Variants in WDHD1 observed in about 807,000 individuals in gnomAD.
WDHD1 encodes the protein WD repeat and HMG-box DNA binding protein 1, also known as WD repeat and HMG-box DNA-binding protein 1.
A neutral mutation model predicts 135.4 loss-of-function variants in WDHD1; 111 were observed. The ratio of observed to expected loss-of-function variants is 0.82; its 90% CI spans 0.70 to 0.96. The LOEUF (loss-of-function observed/expected upper bound fraction) is 0.96. Among genes scored for constraint, WDHD1 ranks in the 40% least tolerant of loss-of-function variants. The pLI is 0.00. For missense variants in WDHD1, 1,351 were observed against 1,336.3 expected (o/e 1.01, Z -0.17); for synonymous variants, 434 against 439.0 (o/e 0.99, Z 0.14).
chr14:54,986,565 A>T (rs1411091450), intron 14 of WDHD1, among the ~76,000 whole-genome samples: 1 of 152,202 alleles, frequency 6.6e-6, no homozygotes, highest in East Asian at 1.9e-4. Flanking sequence ...GTAGAGAAAA[A>T]GGGGATACAC....
At chr14:54,979,605 GAACTT>G (rs896798924) in intron 16 of WDHD1, among the ~76,000 whole-genome samples, 6 of 152,198 alleles carry the variant, frequency 3.9e-5, no homozygotes, top group African/African-American at 1.4e-4. Context: ...AAGTCTTCTT[GAACTT>G]AACTTCTGGC....
intron 13 of WDHD1, among the ~76,000 whole-genome samples, chr14:54,988,077 C>T (rs1445328909): frequency 3.9e-5 from 6 of 152,146 alleles, no homozygotes; most frequent in African/African-American, 1.4e-4. Context: ...AAAAGAAAAA[C>T]ATTCTGCACC....
At chr14:54,980,802 T>TTAA (rs1555368940) in intron 16 of WDHD1, among the ~76,000 whole-genome samples, 1,260 of 83,530 alleles carry the variant, frequency 0.015, 55 homozygotes, top group South Asian at 0.056. Context: ...AGACTCCACA[T>TTAA]AAAAAAAAAA....
chr14:54,962,364 T>C (rs975964446), intron 21 of WDHD1, 134 bp downstream of exon 21: 6 of 722,456 alleles, frequency 8.3e-6, no homozygotes, highest in Middle Eastern at 2.6e-4. Context: ...ACATCTGAGA[T>C]TAAAAAAACA....
chr14:54,941,984 C>T (rs1310404436), intron 25 of WDHD1, among the ~76,000 whole-genome samples: 1 of 152,088 alleles, frequency 6.6e-6, no homozygotes, highest in Non-Finnish European at 1.5e-5. Flanking sequence ...GGCACGGTGG[C>T]TCATGTCTGT....
intron 16 of WDHD1, among the ~76,000 whole-genome samples, chr14:54,970,942 T>TA (rs980692051): frequency 2.0e-5 from 3 of 152,068 alleles, no homozygotes; most frequent in African/African-American, 7.2e-5. Flanking sequence ...GCCACACACC[T>TA]ACAACCAACT....
Position 54,991,207 on chromosome 14 carries a change from T to G in WDHD1, c.1341+6A>C, listed in dbSNP as rs774745273. ...CTAAGAAGTTAAGTGTAGATCCAAG[T>G]CTTACCATGAATCTGTGAGTGAGAT... On this transcript the variant is annotated splice_donor_region_variant and intron_variant, in intron 12 of 25. Transcript: ENST00000360586. 42 of 1,521,172 alleles carry G rather than the reference T, an allele frequency of 2.8e-5. No homozygotes were observed. Among genetic ancestry groups the G allele is most frequent in the Non-Finnish European group, 3.6e-5 (40 of 1,099,586 alleles). 94.2% of individuals were successfully genotyped at this position (1,521,172 alleles called of 1,614,324 possible).
At chr14:55,011,600 A>T (rs1442731283) in intron 3 of WDHD1, among the ~76,000 whole-genome samples, 1 of 150,044 alleles carries the variant, frequency 6.7e-6, no homozygotes, top group Non-Finnish European at 1.5e-5. Flanking sequence ...AATCTCCATT[A>T]ACATTTTGGG....
At position 54,953,896 on chromosome 14, in the gene WDHD1, C is replaced by T. The variant is rs186470786; in HGVS notation, c.3050+1665G>A. ...GACAAAAAACCAAACACCGCATGTTCTCACTCATAGGTGAGAACTGAACAA... is the reference window on the plus strand; with the variant it reads ...GACAAAAAACCAAACACCGCATGTTTTCACTCATAGGTGAGAACTGAACAA... On this transcript the variant is annotated intron_variant, in intron 24 of 25. Transcript: ENST00000360586. 2.6e-5 allele frequency among the ~76,000 whole-genome samples: 4 copies of T among 152,252 alleles called. No homozygotes were observed. In the East Asian group the frequency reaches 7.7e-4, roughly 29 times the overall value.
intron 12 of WDHD1, among the ~76,000 whole-genome samples, chr14:54,990,318 C>T (rs1387794326): frequency 6.6e-6 from 1 of 152,084 alleles, no homozygotes; most frequent in Non-Finnish European, 1.5e-5. Flanking sequence ...AGAACTCAGG[C>T]CAGGCGCGGT....
chr14:54,970,079 C>T (rs1286139274), intron 16 of WDHD1, among the ~76,000 whole-genome samples: 1 of 152,122 alleles, frequency 6.6e-6, no homozygotes, highest in South Asian at 2.1e-4. Context: ...TATGGCAAAC[C>T]CACAGACAAC....
At chr14:54,973,467 T>G (rs2041473497) in intron 16 of WDHD1, among the ~76,000 whole-genome samples, 1 of 152,190 alleles carries the variant, frequency 6.6e-6, no homozygotes, top group Non-Finnish European at 1.5e-5. Context: ...GGGTTCTAAT[T>G]TTTTTGAACA....
intron 15 of WDHD1, among the ~76,000 whole-genome samples, chr14:54,984,286 G>A (rs1398462042): frequency 6.6e-6 from 1 of 152,196 alleles, no homozygotes; most frequent in Non-Finnish European, 1.5e-5. Context: ...CTTGCGCCTA[G>A]GAGTTTGAGA....
chr14:54,957,575 C>G lies in WDHD1; in HGVS notation c.2745+17G>C. 6.3e-7 allele frequency: 1 copy of G among 1,582,186 alleles called. No homozygotes were observed. Among genetic ancestry groups the G allele is most frequent in the Non-Finnish European group, 8.6e-7 (1 of 1,166,188 alleles). On this transcript the variant is annotated intron_variant, in intron 22 of 25. Transcript: ENST00000360586. ...AATGTATTTAAATAATATAAAACAT[C>G]ACTTGGAAGAGTTTACCTTAAAGGG... is the stretch of plus-strand genomic sequence containing the variant.
At chr14:55,008,471 T>G (rs1595117502) in intron 5 of WDHD1, 105 bp from the exon 6 acceptor site, 1 of 1,465,360 alleles carries the variant, frequency 6.8e-7, no homozygotes, top group East Asian at 2.3e-5. Context: ...CTGGGTGAAA[T>G]TTCCTGCTAA....
intron 2 of WDHD1, among the ~76,000 whole-genome samples, chr14:55,014,996 T>C (rs75216894): frequency 0.071 from 10,770 of 152,112 alleles, 607 homozygotes; most frequent in Non-Finnish European, 0.11. Context: ...GAAGTCTAGG[T>C]CACCTATTTA....
chr14:54,944,510 CAG>C (rs1287464480), intron 24 of WDHD1, 40 bp from the exon 25 acceptor site: 4 of 1,523,302 alleles, frequency 2.6e-6, no homozygotes, highest in Non-Finnish European at 3.5e-6. Flanking sequence ...ATACTTAAGA[CAG>C]AGTTTAAAGT....
intron 14 of WDHD1, among the ~76,000 whole-genome samples, chr14:54,985,162 C>T (rs1307530764): frequency 6.6e-6 from 1 of 152,114 alleles, no homozygotes; most frequent in African/African-American, 2.4e-5. Context: ...ACAAAGTCAC[C>T]ACTCTTATTA....
chr14:55,009,962 A>G (rs2042139658), intron 4 of WDHD1, among the ~76,000 whole-genome samples: 1 of 151,086 alleles, frequency 6.6e-6, no homozygotes, highest in South Asian at 2.1e-4. Flanking sequence ...CTGGGATTAC[A>G]GGCACCCGCC....
Sources: allele counts gnomAD v4.1 joint callset (sites outside exome capture counted in the v4.1 genomes callset), GRCh38; gene constraint gnomAD v4.1.1; transcripts MANE v1.5; gene names NCBI Gene and HGNC (gene_info 2026-07-23, HGNC 2026-07-21).